The following PMS1 variants were observed in gnomAD, a reference collection of about 807,000 sequenced individuals.
PMS1 encodes PMS1 homolog 1, mismatch repair system component, also known as PMS1 protein homolog 1.
In PMS1, 79 loss-of-function variants were observed where a neutral mutation model predicts 93.1. The ratio of observed to expected loss-of-function variants is 0.85; its 90% CI spans 0.71 to 1.02. The LOEUF (loss-of-function observed/expected upper bound fraction) is 1.02. Ranked by LOEUF, PMS1 falls within the 50% of genes least tolerant of loss-of-function variation. The pLI, the probability that PMS1 is intolerant of heterozygous loss-of-function variation, is 0.00. For synonymous variants in PMS1, 335 were observed against 363.4 expected, an observed-to-expected ratio of 0.92 and a Z score of 0.89; for missense variants, 1,064 against 1,085.3, an observed-to-expected ratio of 0.98 and a Z score of 0.28.
chr2:189,818,063 A>T lies in PMS1; in HGVS notation c.465A>T (p.Arg155Ser). 1 of 1,607,922 alleles carries T rather than the reference A, an allele frequency of 6.2e-7. No individual in the cohort carries two copies. The highest frequency in any genetic ancestry group is 1.1e-5 in the South Asian group (1 of 90,846). Residue 155 changes from arginine to serine, a missense_variant, in exon 5 of 13, where the codon AGA becomes AGT. Arg to Ser is a moderately radical substitution (Grantham distance 110). Transcript: ENST00000441310. ...ALRLFKNLPV[R>S]KQFYSTAKKC... is the part of the protein sequence containing the mutation. The stretch of plus-strand genomic sequence containing the variant: ...GATTATTTAAGAATCTACCTGTAAG[A>T]AAGCAGTTTTACTCAACTGCAAAAA...
chr2:189,796,094 C>T (rs571311967), intron 3 of PMS1, 143 bp downstream of exon 3: 1 of 692,912 alleles, frequency 1.4e-6, no homozygotes, highest in South Asian at 1.7e-5. Flanking sequence ...CGAGGTGGCT[C>T]ACGCCTGTAA....
At chr2:189,833,424 A>C (rs1250102436) in intron 5 of PMS1, among the ~76,000 whole-genome samples, 2 of 152,144 alleles carry the variant, frequency 1.3e-5, no homozygotes, top group Non-Finnish European at 2.9e-5. Flanking sequence ...TCTACTAAAA[A>C]TACAAAAATT....
At position 189,788,526 on chromosome 2, in the gene PMS1, A is replaced by G. The variant is rs550128246; in HGVS notation, c.-20-3264A>G. 5.3e-5 allele frequency among the ~76,000 whole-genome samples: 8 copies of G among 152,322 alleles called. No individual in the cohort carries two copies. In the South Asian group the frequency reaches 1.0e-3, roughly 20 times the overall value. On this transcript the variant is annotated intron_variant, in intron 1 of 12. Transcript: ENST00000441310. The stretch of plus-strand genomic sequence containing the variant: ...TTAGTGTAAGAGCTAGGATAAAACC[A>G]AAGTAGTGTGATTTCAGAGCCTGCC...
chr2:189,864,030 A>G lies in PMS1; in HGVS notation c.2144A>G (p.Lys715Arg). ...AAAATAAATTTTAAGAAACAAAACAAAGTTGACTTAGAAGAGAAGGATGAA... is the reference window on the plus strand; with the variant it reads ...AAAATAAATTTTAAGAAACAAAACAGAGTTGACTTAGAAGAGAAGGATGAA... ...NLKINFKKQN[K>R]VDLEEKDEPC... The change falls in exon 10 of 13, where the codon AAA becomes AGA. Residue 715 changes from lysine (K) to arginine (R), a missense_variant. By Grantham distance (26) the Lys-to-Arg change is conservative. Coordinates refer to ENST00000441310, the MANE Select transcript of PMS1 (RefSeq NM_000534.5). The G allele has an allele frequency of 1.9e-6, 3 of 1,609,610 alleles. No individual in the cohort carries two copies. The highest frequency in any genetic ancestry group is 2.6e-6 in the Non-Finnish European group (3 of 1,176,358).
intron 9 of PMS1, among the ~76,000 whole-genome samples, chr2:189,863,532 G>A (rs1053877301): frequency 1.3e-5 from 2 of 152,164 alleles, no homozygotes; most frequent in African/African-American, 4.8e-5. Context: ...GGGATTACAG[G>A]TGTGAACCAC....
chr2:189,863,208 TTGTG>T lies in PMS1; in HGVS notation c.1857-531_1857-528del, dbSNP rs762023274. ...AATTGAGGGTTTTTTGTTTGTTTGT[TTGTG>T]TGTTTGTTTGTTGTTGTTGTTTTTT... On this transcript the variant is annotated intron_variant, in intron 9 of 12. Transcript: ENST00000441310. 2.4e-3 allele frequency among the ~76,000 whole-genome samples: 354 copies of T among 149,992 alleles called. 2 individuals carry two copies. The highest frequency in any genetic ancestry group is 8.7e-3 in the South Asian group (42 of 4,822).
rs1484316204 is a variant in PMS1, at chr2:189,854,877, C to G, written c.1605C>G (p.Ile535Met). Residue 535 changes from isoleucine to methionine, a missense_variant, in exon 9 of 13, where the codon ATC (isoleucine) becomes ATG (methionine). Coordinates refer to ENST00000441310, the MANE Select transcript of PMS1 (RefSeq NM_000534.5). ...PCKVSNNNYP[I>M]PEQMNLNEDS... Reference sequence around the variant, plus strand: ...AAGTAAGTAATAATAATTATCCAATCCCTGAACAAATGAATCTTAATGAAG... The same window carrying G: ...AAGTAAGTAATAATAATTATCCAATGCCTGAACAAATGAATCTTAATGAAG... 11 of 1,607,724 alleles carry G rather than the reference C, an allele frequency of 6.8e-6. No individual in the cohort carries two copies. Among genetic ancestry groups the G allele is most frequent in the Admixed American group, 1.7e-5 (1 of 59,808 alleles).
intron 11 of PMS1, 96 bp downstream of exon 11, chr2:189,868,025 A>T: frequency 9.3e-7 from 1 of 1,072,838 alleles, no homozygotes. Context: ...ATGGTGGTAT[A>T]TTTTTGTCTC....
At chr2:189,828,018 G>A (rs1162830687) in intron 5 of PMS1, among the ~76,000 whole-genome samples, 1 of 152,008 alleles carries the variant, frequency 6.6e-6, no homozygotes, top group African/African-American at 2.4e-5. Flanking sequence ...CCGCCTCCCG[G>A]GTTCACGCCA....
intron 12 of PMS1, among the ~76,000 whole-genome samples, chr2:189,875,045 G>T (rs2057445657): frequency 6.6e-6 from 1 of 151,612 alleles, no homozygotes; most frequent in Admixed American, 6.6e-5. Context: ...AAAAAAGAGA[G>T]AACTTAAACC....
rs764521118 is a variant in PMS1, at chr2:189,863,838, GA to G, written c.1958del (p.Lys653ArgfsTer2). On this transcript the variant is annotated frameshift_variant, in exon 10 of 13. Coordinates refer to ENST00000441310, the MANE Select transcript of PMS1 (RefSeq NM_000534.5). LOFTEE classifies it high-confidence loss of function. ...TCACAAATGTCACTAAAAGATGGCA[GA>G]AAAAAGATAAAACCCACCAGCGCAT... is the stretch of plus-strand genomic sequence containing the variant. ...QESQMSLKDG[R>X]KKIKPTSAWN... The G allele has an allele frequency of 6.2e-7, 1 of 1,613,908 alleles. No homozygotes were observed. Among genetic ancestry groups the G allele is most frequent in the Non-Finnish European group, 8.5e-7 (1 of 1,179,962 alleles).
chr2:189,792,656 A>G (rs1183298893), intron 2 of PMS1, among the ~76,000 whole-genome samples: 1 of 143,532 alleles, frequency 7.0e-6, no homozygotes, highest in Non-Finnish European at 1.5e-5. Flanking sequence ...ATAAGATTCT[A>G]TGAGATAAAC....
At chr2:189,869,529 T>G (rs949493517) in intron 11 of PMS1, among the ~76,000 whole-genome samples, 2 of 152,056 alleles carry the variant, frequency 1.3e-5, no homozygotes, top group African/African-American at 4.8e-5. Flanking sequence ...TGAAAGATAT[T>G]AAACAGGCCA....
intron 9 of PMS1, chr2:189,855,903 C>G (rs772966746): frequency 9.5e-5 from 99 of 1,038,012 alleles, no homozygotes; most frequent in Non-Finnish European, 1.2e-4. Context: ...AATTATACCT[C>G]CAATCATATA....
At chr2:189,796,097 G>A in intron 3 of PMS1, 146 bp downstream of exon 3, 9 of 675,388 alleles carry the variant, frequency 1.3e-5, no homozygotes, top group Non-Finnish European at 2.1e-5. Flanking sequence ...GGTGGCTCAC[G>A]CCTGTAATCC....
rs1319488098 is a variant in PMS1 at position 189,852,758 on chromosome 2, A to T, written c.803A>T (p.His268Leu). ...SFIFINSRPVHQKDILKLIRH... is the reference protein window; with the variant it reads ...SFIFINSRPVLQKDILKLIRH... ...ATCTTCATAAACAGTCGACCAGTACATCAAAAAGATATCTTAAAGGTAGTA... is the reference window on the plus strand; with the variant it reads ...ATCTTCATAAACAGTCGACCAGTACTTCAAAAAGATATCTTAAAGGTAGTA... The change falls in exon 7 of 13, where the codon CAT (histidine) becomes CTT (leucine). Residue 268 changes from histidine (H) to leucine (L), a missense_variant. Transcript: ENST00000441310. 2 of 1,588,758 alleles carry T rather than the reference A, an allele frequency of 1.3e-6. No individual in the cohort carries two copies. Among genetic ancestry groups the T allele is most frequent in the Admixed American group, 3.3e-5 (2 of 59,982 alleles).
chr2:189,817,204 G>A (rs2051387254), intron 4 of PMS1, among the ~76,000 whole-genome samples: 1 of 152,176 alleles, frequency 6.6e-6, no homozygotes, highest in Admixed American at 6.5e-5. Flanking sequence ...TGCGAAGGTT[G>A]AGAAGCACTA....
chr2:189,838,273 T>C (rs2053552427), intron 5 of PMS1, among the ~76,000 whole-genome samples: 1 of 152,192 alleles, frequency 6.6e-6, no homozygotes, highest in East Asian at 1.9e-4. Context: ...GTGTGACAAC[T>C]AGCAGCCTTA....
At chr2:189,815,585 A>G (rs748757870) in intron 4 of PMS1, among the ~76,000 whole-genome samples, 4 of 152,168 alleles carry the variant, frequency 2.6e-5, no homozygotes, top group Non-Finnish European at 5.9e-5. Flanking sequence ...CCCTTCCGCC[A>G]TGAATGTGAA....
Sources: allele counts gnomAD v4.1 joint callset (sites outside exome capture counted in the v4.1 genomes callset), GRCh38; gene constraint gnomAD v4.1.1; transcripts MANE v1.5; gene names NCBI Gene and HGNC (gene_info 2026-07-23, HGNC 2026-07-21).